PGM3: variants seen among roughly 807,000 people sequenced by gnomAD.
PGM3 encodes the protein phosphoglucomutase 3, also known as phosphoacetylglucosamine mutase.
PGM3 carries 40 observed loss-of-function variants against 66.2 expected under a neutral mutation model. The observed-to-expected ratio is 0.60, with a 90% CI of 0.47 to 0.79. The LOEUF is 0.79. Among genes scored for constraint, PGM3 ranks in the 30% least tolerant of loss-of-function variants. PGM3 has a pLI of 0.00. For missense variants in PGM3, 537 were observed against 643.4 expected (o/e 0.83, Z 1.79); for synonymous variants, 191 against 224.2 (o/e 0.85, Z 1.32).
In PGM3 at chr6:83,167,233, A is replaced by G; in HGVS notation, c.*2001T>C. ...GCCGTAAGTATGGCAGAGCCAGCACACTAACTCAATTCCTTTGACTCCAGG... is the reference window on the plus strand; with the variant it reads ...GCCGTAAGTATGGCAGAGCCAGCACGCTAACTCAATTCCTTTGACTCCAGG... On this transcript the variant is annotated 3_prime_UTR_variant, in exon 13 of 13. Transcript: ENST00000513973. 1.1e-6 allele frequency: 1 copy of G among 951,370 alleles called. No individual in the cohort carries two copies. The allele number at this position is 951,370 out of a possible 1,614,324, so 58.9% of individuals were successfully genotyped here.
At chr6:83,159,863 T>C (rs754179914), downstream of PGM3, 16 of 1,614,130 alleles carry the variant, frequency 9.9e-6, no homozygotes, top group Non-Finnish European at 1.3e-5. Flanking sequence ...CTCTACTTCA[T>C]ATAACAGCCA....
downstream of PGM3, chr6:83,157,214 G>T: frequency 6.2e-7 from 1 of 1,613,900 alleles, no homozygotes; most frequent in Non-Finnish European, 8.5e-7. Context: ...TTTGCCACAG[G>T]TGCCAACTCT....
intron 4 of PGM3, among the ~76,000 whole-genome samples, chr6:83,185,737 G>A (rs553367204): frequency 2.0e-5 from 3 of 152,066 alleles, no homozygotes; most frequent in Admixed American, 6.5e-5. Flanking sequence ...CCAGCCTGGC[G>A]ACAAAGTGAG....
chr6:83,148,913 G>T, the PGM3 span: 1 of 1,124,666 alleles, frequency 8.9e-7, no homozygotes, highest in African/African-American at 1.6e-5. Flanking sequence ...AATGTTAATT[G>T]TCCTAGTTGC....
At chr6:83,149,108 AC>A in the PGM3 span, among the ~76,000 whole-genome samples, 1 of 152,254 alleles carries the variant, frequency 6.6e-6, no homozygotes, top group South Asian at 2.1e-4. Flanking sequence ...TAAAACTGTT[AC>A]AACAGTAGCT....
the PGM3 span, chr6:83,152,138 T>C: frequency 7.9e-7 from 1 of 1,261,078 alleles, no homozygotes; most frequent in Non-Finnish European, 1.1e-6. Flanking sequence ...TTCTCATGTC[T>C]AACAAGTAAC....
Position 83,167,021 on chromosome 6 carries a change from T to C in PGM3, c.*2213A>G. ...TCTTATCTTTCTCTAGACAGAATGA[T>C]GTCTGTAGCTGTGTTTGTGTAATTC... On this transcript the variant is annotated 3_prime_UTR_variant, in exon 13 of 13. Coordinates refer to ENST00000513973, the MANE Select transcript of PGM3 (RefSeq NM_015599.3). 1 of 985,324 alleles carries C rather than the reference T, an allele frequency of 1.0e-6. No homozygotes were observed. Among genetic ancestry groups the C allele is most frequent in the Non-Finnish European group, 1.2e-6 (1 of 829,812 alleles). 61.0% of individuals were successfully genotyped at this position (985,324 alleles called of 1,614,324 possible).
the PGM3 span, chr6:83,154,282 A>G: frequency 7.0e-5 from 109 of 1,559,408 alleles, no homozygotes; most frequent in East Asian, 9.9e-4. Flanking sequence ...TTTCCTGTAC[A>G]TGGTTCCTTC....
rs1019476022 is a variant in PGM3, at chr6:83,168,366, T to C, written c.*868A>G. The C allele has an allele frequency of 2.2e-6, 3 of 1,387,042 alleles. No homozygotes were observed. The highest frequency in any genetic ancestry group is 1.5e-5 in the African/African-American group (1 of 68,896). The allele number at this position is 1,387,042 out of a possible 1,614,324, so 85.9% of individuals were successfully genotyped here. A position where few individuals can be genotyped will look rare whatever the true frequency, so the allele number is the denominator to read the frequency against. On this transcript the variant is annotated 3_prime_UTR_variant, in exon 13 of 13. Transcript: ENST00000513973. ...TTTAAATATTGTTGGCTCATACTGA[T>C]TATGGTGCCTAAGAGAGCTATATAT...
At chr6:83,169,827 C>G (rs1025106897) in intron 12 of PGM3, 1 of 457,214 alleles carries the variant, frequency 2.2e-6, no homozygotes, top group African/African-American at 2.0e-5. Context: ...AAATCCAGAC[C>G]ACAAGTCTTG....
At chr6:83,180,707 T>G (rs552834185) in intron 6 of PGM3, among the ~76,000 whole-genome samples, 1 of 152,322 alleles carries the variant, frequency 6.6e-6, no homozygotes, top group East Asian at 1.9e-4. Flanking sequence ...GAGCTCAGTA[T>G]TTAAGAAATG....
chr6:83,168,784 ACT>A lies in PGM3; in HGVS notation c.*448_*449del. On this transcript the variant is annotated 3_prime_UTR_variant, in exon 13 of 13. Transcript: ENST00000513973. ...AAGTCATCTAATAATCTTTCTTAAG[ACT>A]CTGCAATGGAAAAACTGGTTGTATA... is the stretch of plus-strand genomic sequence containing the variant. 9.9e-7 allele frequency: 1 copy of A among 1,007,170 alleles called. No individual in the cohort carries two copies. The highest frequency in any genetic ancestry group is 1.2e-6 in the Non-Finnish European group (1 of 842,154). 62.4% of individuals were successfully genotyped at this position (1,007,170 alleles called of 1,614,324 possible).
In PGM3 at chr6:83,187,579, C is replaced by T. The variant is rs942045926; in HGVS notation, c.390-504G>A. ...CTGTAATCCCAGCACTTTGGGAGGC[C>T]GAGGTGGGTGGATCACAAGATTGAG... On this transcript the variant is annotated intron_variant, in intron 3 of 12. Coordinates refer to ENST00000513973, the MANE Select transcript of PGM3 (RefSeq NM_015599.3). Among the ~76,000 whole-genome samples the T allele has an allele frequency of 5.3e-5, 8 of 152,044 alleles. No homozygotes were observed. The South Asian group carries it at 1.2e-3, about 24-fold the overall frequency.
downstream of PGM3, chr6:83,162,642 C>T (rs886801103): frequency 3.8e-6 from 3 of 784,112 alleles, no homozygotes; most frequent in South Asian, 3.2e-5. Context: ...AAGAAACATA[C>T]CCAAAGTGAC....
At chr6:83,175,322 T>C (rs1406735523) in intron 9 of PGM3, among the ~76,000 whole-genome samples, 1 of 152,222 alleles carries the variant, frequency 6.6e-6, no homozygotes, top group Non-Finnish European at 1.5e-5. Flanking sequence ...TAATTGCATT[T>C]TGTAGGAACT....
chr6:83,167,377 G>C lies in PGM3; in HGVS notation c.*1857C>G, dbSNP rs1786009491. ...ACAGTAATTATTCACTTTGGACACT[G>C]CTACCATCATGGCAAATTTAGGCCA... On this transcript the variant is annotated 3_prime_UTR_variant, in exon 13 of 13. Transcript: ENST00000513973. 2.0e-6 allele frequency: 2 copies of C among 984,298 alleles called. No individual in the cohort carries two copies. The highest frequency in any genetic ancestry group is 2.4e-6 in the Non-Finnish European group (2 of 828,968). 61.0% of individuals were successfully genotyped at this position (984,298 alleles called of 1,614,324 possible).
chr6:83,151,526 A>C, the PGM3 span: 10 of 1,310,558 alleles, frequency 7.6e-6, no homozygotes, highest in Admixed American at 7.3e-5. Flanking sequence ...CATCGTGAGA[A>C]ATTAGATCGC....
Position 83,179,801 on chromosome 6 carries a change from C to G in PGM3, c.945+9G>C, listed in dbSNP as rs2128494907. ...TTGTTTTAGAGGGTAGCCAATCCCC[C>G]CACCATACCTCCACCAGGAGCTCTT... On this transcript the variant is annotated intron_variant, in intron 7 of 12. Coordinates refer to ENST00000513973, the MANE Select transcript of PGM3 (RefSeq NM_015599.3). 1 of 1,602,692 alleles carries G rather than the reference C, an allele frequency of 6.2e-7. No individual in the cohort carries two copies.
downstream of PGM3, among the ~76,000 whole-genome samples, chr6:83,157,581 G>A (rs1783078767): frequency 6.6e-6 from 1 of 152,176 alleles, no homozygotes; most frequent in Non-Finnish European, 1.5e-5. Context: ...TGTTTAGTCT[G>A]TACTACACTA....
Sources: gnomAD v4.1 joint callset for allele counts (sites outside exome capture counted in the v4.1 genomes callset) on GRCh38, gnomAD v4.1.1 for gene constraint, MANE v1.5 for transcripts, NCBI Gene and HGNC (gene_info 2026-07-23, HGNC 2026-07-21) for gene names.